RAD51AP2: variants seen among roughly 807,000 people sequenced by gnomAD.
The protein encoded by RAD51AP2 is RAD51 associated protein 2, also known as RAD51-associated protein 2.
In RAD51AP2, 67 loss-of-function variants were observed where a neutral mutation model predicts 85.5. The ratio of observed to expected loss-of-function variants is 0.78; its 90% CI spans 0.64 to 0.96. RAD51AP2 has a LOEUF of 0.96. Among genes scored for constraint, RAD51AP2 ranks in the 40% least tolerant of loss-of-function variants. RAD51AP2 has a pLI of 0.00. For missense variants in RAD51AP2, 1,307 were observed against 1,332.4 expected, an observed-to-expected ratio of 0.98 and a Z score of 0.30; for synonymous variants, 474 against 446.5, an observed-to-expected ratio of 1.06 and a Z score of -0.78.
At chr2:17,513,907 G>A in intron 2 of RAD51AP2, 105 bp downstream of exon 2, 1 of 669,030 alleles carries the variant, frequency 1.5e-6, no homozygotes, top group South Asian at 1.9e-5. Flanking sequence ...CTAAAACTTT[G>A]TATTTATTTT....
chr2:17,537,180 A>G, the RAD51AP2 span, among the ~76,000 whole-genome samples: 1 of 152,042 alleles, frequency 6.6e-6, no homozygotes, highest in Non-Finnish European at 1.5e-5. Flanking sequence ...AAATTAGCCA[A>G]GCGTGGTGGT....
chr2:17,528,673 C>A, the RAD51AP2 span, among the ~76,000 whole-genome samples: 1 of 151,986 alleles, frequency 6.6e-6, no homozygotes, highest in East Asian at 1.9e-4. Flanking sequence ...GAACACCCAT[C>A]TCTACAAAAA....
chr2:17,537,311 GACCCCTGTCTCTCTCAGAAAA>G, the RAD51AP2 span, among the ~76,000 whole-genome samples: 1 of 151,892 alleles, frequency 6.6e-6, no homozygotes, highest in Admixed American at 6.6e-5. Flanking sequence ...AACAGAGCGA[GACCCCTGTCTCTCTCAGAAAA>G]ACAAAAAAAA....
At chr2:17,512,908 G>A (rs1662532961) in intron 2 of RAD51AP2, among the ~76,000 whole-genome samples, 1 of 152,134 alleles carries the variant, frequency 6.6e-6, no homozygotes, top group African/African-American at 2.4e-5. Context: ...ACAATTCTGA[G>A]GTGACAATAA....
intron 2 of RAD51AP2, among the ~76,000 whole-genome samples, chr2:17,511,820 G>A (rs944610707): frequency 2.6e-5 from 4 of 152,070 alleles, no homozygotes; most frequent in African/African-American, 9.7e-5. Context: ...TAAGCTACAT[G>A]TATAATAAAC....
At chr2:17,532,716 G>GGATA in the RAD51AP2 span, among the ~76,000 whole-genome samples, 1 of 151,762 alleles carries the variant, frequency 6.6e-6, no homozygotes, top group Non-Finnish European at 1.5e-5. Context: ...ATAGATAGAT[G>GGATA]GATAGATAGA....
chr2:17,536,083 C>T, the RAD51AP2 span, among the ~76,000 whole-genome samples: 8 of 150,404 alleles, frequency 5.3e-5, no homozygotes, highest in African/African-American at 1.7e-4. Context: ...AATCACTGTT[C>T]GTATTTTCTC....
rs754562706 is a variant in RAD51AP2, at chr2:17,515,401, A to G, written c.3015T>C (p.Asp1005=). 1.9e-6 allele frequency: 3 copies of G among 1,611,948 alleles called. No individual in the cohort carries two copies. The highest frequency in any genetic ancestry group is 2.5e-6 in the Non-Finnish European group (3 of 1,179,526). The part of the protein sequence containing the change: ...NGQENYFGEN[D]AEKVKMEIEK... Reference sequence around the variant, plus strand: ...CTATCTCCATTTTTACCTTCTCAGCATCATTTTCTCCAAAGTAATTTTCTT... The same window carrying G: ...CTATCTCCATTTTTACCTTCTCAGCGTCATTTTCTCCAAAGTAATTTTCTT... Residue 1005 remains aspartate, a synonymous_variant, in exon 1 of 3, where the codon GAT becomes GAC. Transcript: ENST00000399080.
At chr2:17,531,797 A>G in the RAD51AP2 span, among the ~76,000 whole-genome samples, 4 of 152,234 alleles carry the variant, frequency 2.6e-5, no homozygotes, top group Non-Finnish European at 5.9e-5. Flanking sequence ...AACTGGCTCA[A>G]TATCATCTTA....
the RAD51AP2 span, among the ~76,000 whole-genome samples, chr2:17,529,449 T>C: frequency 6.6e-6 from 1 of 152,002 alleles, no homozygotes; most frequent in Non-Finnish European, 1.5e-5. Context: ...TTCTTCTAGA[T>C]AGTAAAATCA....
In RAD51AP2 at chr2:17,516,339, C is replaced by A. The variant is rs770866912; in HGVS notation, c.2077G>T (p.Asp693Tyr). ...ETYEKIPLLM[D>Y]FDDMDEISLI... ...GAAATTTCATCCATGTCATCAAAGT[C>A]CATTAAAAGGGGAATTTTTTCATAT... Residue 693 changes from aspartate to tyrosine, a missense_variant, in exon 1 of 3, where the codon GAC becomes TAC. Asp to Tyr is a radical substitution (Grantham distance 160). Coordinates refer to ENST00000399080, the MANE Select transcript of RAD51AP2 (RefSeq NM_001099218.3). 17 of 1,611,530 alleles carry A rather than the reference C, an allele frequency of 1.1e-5. No homozygotes were observed. In the Admixed American group the frequency reaches 1.2e-4, roughly 11 times the overall value.
chr2:17,513,225 C>T lies in RAD51AP2; in HGVS notation c.3328+787G>A, dbSNP rs1572291357. Among the ~76,000 whole-genome samples the T allele has an allele frequency of 2.2e-5, 3 of 135,906 alleles. No individual in the cohort carries two copies. In the South Asian group the frequency reaches 7.2e-4, roughly 33 times the overall value. 89.2% of individuals were successfully genotyped at this position (135,906 alleles called of 152,430 possible). ...AGATAAGGTTAGTTGTTTAATTTTT[C>T]TTTAGTGTGTGCTTTTTTTTTTTTT... On this transcript the variant is annotated intron_variant, in intron 2 of 2. Coordinates refer to ENST00000399080, the MANE Select transcript of RAD51AP2 (RefSeq NM_001099218.3).
upstream of RAD51AP2, among the ~76,000 whole-genome samples, chr2:17,521,454 C>A (rs1261793341): frequency 1.3e-5 from 2 of 151,862 alleles, no homozygotes; most frequent in African/African-American, 4.8e-5. Context: ...TATGCTAAAT[C>A]TAAAAGTTTG....
At chr2:17,513,980 G>C in intron 2 of RAD51AP2, 32 bp downstream of exon 2, 1 of 1,103,444 alleles carries the variant, frequency 9.1e-7, no homozygotes, top group Non-Finnish European at 1.4e-6. Context: ...AATCATCTTA[G>C]AAGTTATCCT....
At chr2:17,520,319 T>C (rs976811968), upstream of RAD51AP2, among the ~76,000 whole-genome samples, 1 of 152,170 alleles carries the variant, frequency 6.6e-6, no homozygotes, top group African/African-American at 2.4e-5. Context: ...CTTTGTTTTT[T>C]TAAATGCCAC....
At chr2:17,512,949 G>A (rs368746272) in intron 2 of RAD51AP2, among the ~76,000 whole-genome samples, 2 of 152,088 alleles carry the variant, frequency 1.3e-5, no homozygotes, top group African/African-American at 2.4e-5. Context: ...TACTGATTAC[G>A]AGAATGCAGA....
the RAD51AP2 span, among the ~76,000 whole-genome samples, chr2:17,528,810 C>A: frequency 1.2e-4 from 19 of 152,154 alleles, no homozygotes; most frequent in Middle Eastern, 6.8e-3. Context: ...TACCACTGCT[C>A]CCCAGCCTGG....
At chr2:17,535,719 G>A in the RAD51AP2 span, among the ~76,000 whole-genome samples, 2 of 152,084 alleles carry the variant, frequency 1.3e-5, no homozygotes, top group African/African-American at 4.8e-5. Context: ...ATCCAAGGAG[G>A]CAGAGGGGCA....
chr2:17,516,083 T>C lies in RAD51AP2; in HGVS notation c.2333A>G (p.Asp778Gly), dbSNP rs1405439642. ...KQGHNKISNF[D>G]CEHIFEDLCN... ...GAGATCTTCAAATATGTGCTCACAG[T>C]CAAAGTTACTGATCTTATTATGTCC... Residue 778 changes from aspartate (D) to glycine (G), a missense_variant, in exon 1 of 3, where the codon GAC (aspartate) becomes GGC (glycine). Physicochemically the swap from Asp to Gly is moderately conservative, Grantham distance 94. Coordinates refer to ENST00000399080, the MANE Select transcript of RAD51AP2 (RefSeq NM_001099218.3). 6.2e-7 allele frequency: 1 copy of C among 1,613,008 alleles called. No individual in the cohort carries two copies.
Sources: allele counts gnomAD v4.1 joint callset (sites outside exome capture counted in the v4.1 genomes callset), GRCh38; gene constraint gnomAD v4.1.1; transcripts MANE v1.5; gene names NCBI Gene and HGNC (gene_info 2026-07-23, HGNC 2026-07-21).